Variants in SPAG16 observed in about 807,000 individuals in gnomAD.
SPAG16 encodes the protein sperm-associated antigen 16 protein.
SPAG16 carries 86 observed loss-of-function variants against 80.4 expected under a neutral mutation model. That is an observed-to-expected ratio of 1.07 (90% CI 0.90 to 1.28). The LOEUF (loss-of-function observed/expected upper bound fraction) is 1.28, where lower values mean the gene tolerates loss of function less well. SPAG16 is among the 50% of genes most tolerant of loss of function. The probability of loss-of-function intolerance (pLI) is 0.00; values close to 1 mark genes in which losing one functional copy is unlikely to be tolerated. For missense variants in SPAG16, 870 were observed against 765.3 expected, an observed-to-expected ratio of 1.14 and a Z score of -1.61; for synonymous variants, 294 against 265.9, an observed-to-expected ratio of 1.11 and a Z score of -1.03.
chr2:214,270,011 T>C (rs1332449928), intron 15 of SPAG16, among the ~76,000 whole-genome samples: 1 of 152,174 alleles, frequency 6.6e-6, no homozygotes, highest in African/African-American at 2.4e-5. Context: ...GACTTTTAGG[T>C]CCGTTATTAT....
intron 15 of SPAG16, among the ~76,000 whole-genome samples, chr2:214,346,690 G>T (rs1265397922): frequency 6.6e-6 from 1 of 152,174 alleles, no homozygotes; most frequent in Non-Finnish European, 1.5e-5. Flanking sequence ...GAACCACAAG[G>T]TACAAAGCTC....
At chr2:214,298,068 G>A (rs1039045309) in intron 15 of SPAG16, among the ~76,000 whole-genome samples, 3 of 138,986 alleles carry the variant, frequency 2.2e-5, no homozygotes, top group Non-Finnish European at 4.6e-5. Flanking sequence ...TTGGTTAGAT[G>A]TATGCCTATA....
chr2:213,719,585 GC>G (rs1307407915), intron 10 of SPAG16, among the ~76,000 whole-genome samples: 1 of 152,290 alleles, frequency 6.6e-6, no homozygotes, highest in African/African-American at 2.4e-5. Context: ...AAAGCAGGCT[GC>G]CCGAGCCAGC....
intron 15 of SPAG16, among the ~76,000 whole-genome samples, chr2:214,269,806 A>G (rs751110054): frequency 6.6e-6 from 1 of 152,108 alleles, no homozygotes; most frequent in African/African-American, 2.4e-5. Context: ...ATCTATCTTG[A>G]GCACTTAAGC....
At chr2:214,043,349 T>C (rs1488424910) in intron 13 of SPAG16, among the ~76,000 whole-genome samples, 2 of 152,202 alleles carry the variant, frequency 1.3e-5, no homozygotes. Flanking sequence ...CTCTTCTTTC[T>C]AGCAAATATC....
chr2:214,291,040 T>A (rs957013733), intron 15 of SPAG16, among the ~76,000 whole-genome samples: 8 of 152,126 alleles, frequency 5.3e-5, no homozygotes, highest in Admixed American at 3.3e-4. Flanking sequence ...TTGGGTGATT[T>A]AGTGTTGGGT....
chr2:213,824,209 G>T (rs2073129757), intron 10 of SPAG16, among the ~76,000 whole-genome samples: 1 of 152,124 alleles, frequency 6.6e-6, no homozygotes, highest in Admixed American at 6.5e-5. Flanking sequence ...GTTTGTTGAA[G>T]ATCAGATCAT....
intron 10 of SPAG16, among the ~76,000 whole-genome samples, chr2:213,707,776 C>T (rs1384147924): frequency 1.3e-5 from 2 of 152,014 alleles, no homozygotes; most frequent in African/African-American, 2.4e-5. Flanking sequence ...CTAATAAACT[C>T]ACCTATAATT....
rs1834161 is a variant in SPAG16 at position 213,498,643 on chromosome 2, T to C, written c.1070+8553T>C. Among the ~76,000 whole-genome samples the C allele has an allele frequency of 8.4e-3, 1,279 of 152,244 alleles. 8 individuals are homozygous for C. The highest frequency in any genetic ancestry group is 0.013 in the Non-Finnish European group (866 of 67,972). ...ATAGGACATTTCAACTTGCATGTCT[T>C]GTGAGCACCTCAAATTTAGCAGGTC... On this transcript the variant is annotated intron_variant, in intron 10 of 15. Coordinates refer to ENST00000331683, the MANE Select transcript of SPAG16 (RefSeq NM_024532.5).
At chr2:213,630,266 C>T (rs978988926) in intron 10 of SPAG16, among the ~76,000 whole-genome samples, 1 of 152,068 alleles carries the variant, frequency 6.6e-6, no homozygotes, top group African/African-American at 2.4e-5. Flanking sequence ...TGCCTGCAAT[C>T]CGAGCTACTC....
chr2:213,961,585 GTTT>G (rs34367751), intron 12 of SPAG16, among the ~76,000 whole-genome samples: 3 of 137,298 alleles, frequency 2.2e-5, no homozygotes, highest in African/African-American at 8.0e-5. Context: ...TCTAACCCTA[GTTT>G]TTTTTTTTTT....
At chr2:213,555,872 A>G (rs544879466) in intron 10 of SPAG16, among the ~76,000 whole-genome samples, 1 of 152,332 alleles carries the variant, frequency 6.6e-6, no homozygotes, top group Admixed American at 6.5e-5. Context: ...AGACAAAACT[A>G]TTAAAATAAT....
At chr2:214,044,566 G>A (rs1174056024) in intron 13 of SPAG16, among the ~76,000 whole-genome samples, 2 of 152,140 alleles carry the variant, frequency 1.3e-5, no homozygotes, top group Non-Finnish European at 2.9e-5. Flanking sequence ...GCCTTCATCA[G>A]AACCAAAAAT....
At chr2:213,776,608 A>G (rs1360370576) in intron 10 of SPAG16, among the ~76,000 whole-genome samples, 1 of 152,196 alleles carries the variant, frequency 6.6e-6, no homozygotes, top group African/African-American at 2.4e-5. Flanking sequence ...AATTTGTAAA[A>G]GTTGTGAGGG....
intron 15 of SPAG16, among the ~76,000 whole-genome samples, chr2:214,272,154 T>C (rs1259733711): frequency 6.6e-6 from 1 of 152,186 alleles, no homozygotes; most frequent in African/African-American, 2.4e-5. Context: ...TAATTTATAT[T>C]TACCAATTTT....
intron 10 of SPAG16, among the ~76,000 whole-genome samples, chr2:213,587,441 G>C (rs568525296): frequency 4.3e-4 from 66 of 152,226 alleles, no homozygotes; most frequent in African/African-American, 1.5e-3. Context: ...GGTGGTGCTG[G>C]GCAGCCCTGG....
Position 214,086,054 on chromosome 2 carries a change from T to C in SPAG16, c.1528-22142T>C, listed in dbSNP as rs535927482. 7.2e-5 allele frequency among the ~76,000 whole-genome samples: 11 copies of C among 152,342 alleles called. No homozygotes were observed. The East Asian group carries it at 2.1e-3, about 29-fold the overall frequency. ...AATTACTCCGAACATATGTGATTGT[T>C]TCTTTATGCTTTCATGAAACATTGT... On this transcript the variant is annotated intron_variant, in intron 13 of 15. Transcript: ENST00000331683.
At chr2:213,795,392 T>C (rs570216020) in intron 10 of SPAG16, among the ~76,000 whole-genome samples, 1 of 152,368 alleles carries the variant, frequency 6.6e-6, no homozygotes, top group South Asian at 2.1e-4. Flanking sequence ...TTCTACACTT[T>C]TATGTCTTCC....
chr2:213,781,949 T>A (rs796119604), intron 10 of SPAG16, among the ~76,000 whole-genome samples: 13 of 152,324 alleles, frequency 8.5e-5, no homozygotes, highest in African/African-American at 3.1e-4. Flanking sequence ...AAAGAGCTAA[T>A]AGAGGCACGT....
Sources: gnomAD v4.1 joint callset for allele counts (sites outside exome capture counted in the v4.1 genomes callset) on GRCh38, gnomAD v4.1.1 for gene constraint, MANE v1.5 for transcripts, NCBI Gene and HGNC (gene_info 2026-07-23, HGNC 2026-07-21) for gene names.